The following SLC8A3 variants were observed in gnomAD, a reference collection of about 807,000 sequenced individuals.
The protein encoded by SLC8A3 is solute carrier family 8 member A3, also known as sodium/calcium exchanger 3.
A neutral mutation model predicts 65.4 loss-of-function variants in SLC8A3; 37 were observed. The observed-to-expected ratio is 0.57, with a 90% CI of 0.44 to 0.74. SLC8A3 has a LOEUF of 0.74. SLC8A3 is among the 30% of genes least tolerant of loss of function. SLC8A3 has a pLI of 0.00. For missense variants in SLC8A3, 1,112 were observed against 1,172.1 expected (o/e 0.95, Z 0.75); for synonymous variants, 461 against 444.5 (o/e 1.04, Z -0.47).
intron 3 of SLC8A3, among the ~76,000 whole-genome samples, chr14:70,057,238 T>C (rs1243890190): frequency 6.6e-6 from 1 of 152,170 alleles, no homozygotes; most frequent in Non-Finnish European, 1.5e-5. Flanking sequence ...CAAAGGTTAA[T>C]GGATCAATGG....
At chr14:70,174,649 CCGTTTTTTTTT>C (rs1471897689) in intron 1 of SLC8A3, among the ~76,000 whole-genome samples, 11 of 123,048 alleles carry the variant, frequency 8.9e-5, no homozygotes, top group East Asian at 2.6e-4. Flanking sequence ...TGGACCAAAT[CCGTTTTTTTTT>C]TGTTTTTTTT....
chr14:70,111,388 G>A (rs759577331), intron 2 of SLC8A3, among the ~76,000 whole-genome samples: 1 of 152,162 alleles, frequency 6.6e-6, no homozygotes, highest in African/African-American at 2.4e-5. Flanking sequence ...TAATAAATTT[G>A]TATTTTAAAA....
Position 70,073,669 on chromosome 14 carries a change from C to T in SLC8A3, c.1785-12730G>A, listed in dbSNP as rs545797245. Among the ~76,000 whole-genome samples, 10 of 152,294 alleles carry T rather than the reference C, an allele frequency of 6.6e-5. No homozygotes were observed. In the South Asian group the frequency reaches 2.1e-3, roughly 32 times the overall value. On this transcript the variant is annotated intron_variant, in intron 2 of 6. Transcript: ENST00000356921. Reference sequence around the variant, plus strand: ...ATTCATGGCTTTAGAGATGTTGGATCTCTCTGTCTTGTCTTCTCTCACTGC... The same window carrying T: ...ATTCATGGCTTTAGAGATGTTGGATTTCTCTGTCTTGTCTTCTCTCACTGC...
intron 2 of SLC8A3, among the ~76,000 whole-genome samples, chr14:70,088,383 T>A (rs1249626011): frequency 6.6e-6 from 1 of 152,168 alleles, no homozygotes; most frequent in African/African-American, 2.4e-5. Flanking sequence ...AAGGATTGCT[T>A]TAGAAGCAAA....
intron 2 of SLC8A3, among the ~76,000 whole-genome samples, chr14:70,114,010 C>T (rs1893486766): frequency 6.6e-6 from 1 of 152,094 alleles, no homozygotes; most frequent in Non-Finnish European, 1.5e-5. Flanking sequence ...TCAAACCATG[C>T]CCTCCCTACA....
At chr14:70,175,090 C>G (rs888624348) in intron 1 of SLC8A3, among the ~76,000 whole-genome samples, 5 of 152,136 alleles carry the variant, frequency 3.3e-5, no homozygotes, top group Admixed American at 2.0e-4. Context: ...TGACACTCTC[C>G]CAGGTACTAC....
intron 2 of SLC8A3, among the ~76,000 whole-genome samples, chr14:70,067,519 C>T (rs1384248294): frequency 6.6e-6 from 1 of 152,216 alleles, no homozygotes; most frequent in African/African-American, 2.4e-5. Context: ...CAGCACAGTG[C>T]CTGGCATACA....
At chr14:70,146,011 T>C (rs1895904237) in intron 2 of SLC8A3, among the ~76,000 whole-genome samples, 1 of 151,960 alleles carries the variant, frequency 6.6e-6, no homozygotes, top group Non-Finnish European at 1.5e-5. Context: ...GAAGACAGCA[T>C]GTCCAAATGA....
chr14:70,187,983 G>A (rs941581302), intron 1 of SLC8A3, among the ~76,000 whole-genome samples: 1 of 152,010 alleles, frequency 6.6e-6, no homozygotes, highest in Non-Finnish European at 1.5e-5. Flanking sequence ...CACATATGCC[G>A]ACATGCATCC....
intron 2 of SLC8A3, among the ~76,000 whole-genome samples, chr14:70,159,993 A>G (rs1896791688): frequency 6.6e-6 from 1 of 152,142 alleles, no homozygotes; most frequent in African/African-American, 2.4e-5. Context: ...CCACCAACCA[A>G]CTGTGGGTGC....
At chr14:70,090,563 G>A (rs559621297) in intron 2 of SLC8A3, among the ~76,000 whole-genome samples, 3 of 152,188 alleles carry the variant, frequency 2.0e-5, no homozygotes, top group South Asian at 4.2e-4. Context: ...ACATAAAGGC[G>A]CTTCATGAAT....
intron 2 of SLC8A3, among the ~76,000 whole-genome samples, chr14:70,078,020 T>C (rs1890693905): frequency 6.6e-6 from 1 of 152,220 alleles, no homozygotes; most frequent in Non-Finnish European, 1.5e-5. Flanking sequence ...AGAGAGGTGA[T>C]GACCAGCTGA....
chr14:70,073,192 G>T (rs547956346), intron 2 of SLC8A3, among the ~76,000 whole-genome samples: 2 of 152,122 alleles, frequency 1.3e-5, no homozygotes, highest in Non-Finnish European at 2.9e-5. Flanking sequence ...GGGGTATGAC[G>T]GAGTGGGCTG....
Position 70,126,581 on chromosome 14 carries a change from C to A in SLC8A3, c.1784+40058G>T, listed in dbSNP as rs548967813. Among the ~76,000 whole-genome samples the A allele has an allele frequency of 9.3e-5, 14 of 151,162 alleles. No homozygotes were observed. In the South Asian group the frequency reaches 3.0e-3, roughly 32 times the overall value. ...TCTCTCTCTCTCTCTCACACACACACACACACACACACACACACACACACT... is the reference window on the plus strand; with the variant it reads ...TCTCTCTCTCTCTCTCACACACACAAACACACACACACACACACACACACT... On this transcript the variant is annotated intron_variant, in intron 2 of 6. Coordinates refer to ENST00000356921, the MANE Select transcript of SLC8A3 (RefSeq NM_182932.3).
chr14:70,172,050 G>A (rs77191954), intron 1 of SLC8A3, among the ~76,000 whole-genome samples: 2 of 152,082 alleles, frequency 1.3e-5, no homozygotes, highest in African/African-American at 2.4e-5. Context: ...ACATCTTGGG[G>A]GTCCAGCTCA....
intron 2 of SLC8A3, among the ~76,000 whole-genome samples, chr14:70,078,119 C>A (rs1326493651): frequency 6.6e-6 from 1 of 152,168 alleles, no homozygotes; most frequent in Non-Finnish European, 1.5e-5. Flanking sequence ...CTTTCCAATG[C>A]CATTCAGGGC....
At chr14:70,124,718 C>G (rs1894325946) in intron 2 of SLC8A3, among the ~76,000 whole-genome samples, 1 of 152,244 alleles carries the variant, frequency 6.6e-6, no homozygotes, top group Non-Finnish European at 1.5e-5. Flanking sequence ...TTCAGTCATT[C>G]AACTCCAGAC....
intron 1 of SLC8A3, among the ~76,000 whole-genome samples, chr14:70,177,004 A>C (rs1897948488): frequency 6.6e-6 from 1 of 152,234 alleles, no homozygotes; most frequent in Non-Finnish European, 1.5e-5. Context: ...ATTTGTATGA[A>C]ACCCAGCTTA....
At chr14:70,151,752 C>T (rs994538507) in intron 2 of SLC8A3, among the ~76,000 whole-genome samples, 3 of 152,190 alleles carry the variant, frequency 2.0e-5, no homozygotes, top group African/African-American at 4.8e-5. Flanking sequence ...GGACTGATTC[C>T]TTCTAGAGGT....
Sources: allele counts gnomAD v4.1 joint callset (sites outside exome capture counted in the v4.1 genomes callset), GRCh38; gene constraint gnomAD v4.1.1; transcripts MANE v1.5; gene names NCBI Gene and HGNC (gene_info 2026-07-23, HGNC 2026-07-21).